M1AP: variants seen among roughly 807,000 people sequenced by gnomAD.
The protein encoded by M1AP is meiosis 1 associated protein, also known as meiosis 1 arrest protein.
M1AP carries 39 observed loss-of-function variants against 51.2 expected under a neutral mutation model. The ratio of observed to expected loss-of-function variants is 0.76; its 90% confidence interval spans 0.59 to 1.00. The LOEUF (loss-of-function observed/expected upper bound fraction) is 1.00. M1AP is among the 50% of genes least tolerant of loss of function. The pLI, the probability that M1AP is intolerant of heterozygous loss-of-function variation, is 0.00. For missense variants in M1AP, 545 were observed against 641.2 expected (o/e 0.85, Z 1.62); for synonymous variants, 251 against 249.2 (o/e 1.01, Z -0.07).
At chr2:74,628,295 T>C (rs1413584647) in intron 2 of M1AP, 2 of 315,748 alleles carry the variant, frequency 6.3e-6, no homozygotes, top group Non-Finnish European at 1.3e-5. Context: ...TTCCCCAATG[T>C]AACAAAGCAC....
intron 5 of M1AP, among the ~76,000 whole-genome samples, chr2:74,580,847 C>G (rs1011242692): frequency 6.6e-6 from 1 of 152,068 alleles, no homozygotes; most frequent in Non-Finnish European, 1.5e-5. Context: ...AATTCCCACC[C>G]CTAAAGAAGA....
intron 4 of M1AP, among the ~76,000 whole-genome samples, chr2:74,593,077 C>G (rs1001201377): frequency 7.9e-5 from 12 of 152,246 alleles, no homozygotes; most frequent in South Asian, 4.1e-4. Context: ...AGTGGCAACA[C>G]AAGTCATTTG....
At chr2:74,609,116 T>C (rs1407093581) in intron 3 of M1AP, among the ~76,000 whole-genome samples, 1 of 152,232 alleles carries the variant, frequency 6.6e-6, no homozygotes, top group African/African-American at 2.4e-5. Flanking sequence ...TATACATTAC[T>C]GTTAACTATA....
At chr2:74,566,356 G>A (rs1678380438) in intron 7 of M1AP, among the ~76,000 whole-genome samples, 1 of 152,156 alleles carries the variant, frequency 6.6e-6, no homozygotes, top group African/African-American at 2.4e-5. Flanking sequence ...GATAGGCTGT[G>A]GTGGAGGCAA....
Position 74,558,023 on chromosome 2 carries a change from A to C in M1AP, c.*693T>G, listed in dbSNP as rs1174644847. On this transcript the variant is annotated 3_prime_UTR_variant, in exon 11 of 11. Coordinates refer to ENST00000421985, the MANE Select transcript of M1AP (RefSeq NM_001321739.2). Reference sequence around the variant, plus strand: ...AGTGTTGGGATTACAGGTGTGAGCCACTGCTCCCAGCCCAGAGTAAACATT... The same window carrying C: ...AGTGTTGGGATTACAGGTGTGAGCCCCTGCTCCCAGCCCAGAGTAAACATT... 1.3e-5 allele frequency: 2 copies of C among 152,116 alleles called. No individual in the cohort carries two copies. The highest frequency in any genetic ancestry group is 2.9e-5 in the Non-Finnish European group (2 of 68,104). The allele number at this position is 152,116 out of a possible 1,614,324, so 9.4% of individuals were successfully genotyped here. A position where few individuals can be genotyped will look rare whatever the true frequency, so the allele number is the denominator to read the frequency against.
chr2:74,560,738 G>A (rs1254438197), intron 8 of M1AP, among the ~76,000 whole-genome samples: 1 of 152,154 alleles, frequency 6.6e-6, no homozygotes, highest in African/African-American at 2.4e-5. Context: ...GGATACAGGA[G>A]CACAACATTC....
intron 9 of M1AP, 80 bp from the exon 10 acceptor site, chr2:74,559,789 T>G: frequency 1.4e-6 from 1 of 710,626 alleles, no homozygotes; most frequent in South Asian, 1.5e-5. Flanking sequence ...CTATAAATAT[T>G]AATTTCCCAT....
intron 4 of M1AP, among the ~76,000 whole-genome samples, chr2:74,591,276 CTTCA>C (rs1311487262): frequency 2.0e-5 from 3 of 152,258 alleles, no homozygotes; most frequent in East Asian, 3.9e-4. Flanking sequence ...GTCTCAATGG[CTTCA>C]TTTTCATTTT....
chr2:74,567,839 A>T (rs1208120320), intron 7 of M1AP, among the ~76,000 whole-genome samples: 1 of 152,232 alleles, frequency 6.6e-6, no homozygotes, highest in Non-Finnish European at 1.5e-5. Context: ...TTCAGAAAAG[A>T]CTGGGAAAAG....
intron 4 of M1AP, among the ~76,000 whole-genome samples, chr2:74,592,347 G>A (rs1680095161): frequency 6.6e-6 from 1 of 152,056 alleles, no homozygotes; most frequent in Non-Finnish European, 1.5e-5. Flanking sequence ...ATAATAGGTA[G>A]GAAATAATAT....
chr2:74,600,131 T>C (rs559000225), intron 4 of M1AP, among the ~76,000 whole-genome samples: 13 of 152,292 alleles, frequency 8.5e-5, no homozygotes, highest in African/African-American at 2.9e-4. Context: ...CATGGGGCCA[T>C]TGGAGCACAC....
chr2:74,647,982 C>T, intron 1 of M1AP: 1 of 983,104 alleles, frequency 1.0e-6, no homozygotes, highest in Non-Finnish European at 1.2e-6. Flanking sequence ...CCGTGCCTGG[C>T]GGATCAGCAG....
At chr2:74,608,034 G>A (rs1347431154) in intron 3 of M1AP, among the ~76,000 whole-genome samples, 1 of 152,056 alleles carries the variant, frequency 6.6e-6, no homozygotes, top group Non-Finnish European at 1.5e-5. Context: ...CTCATTATCA[G>A]TATCTTCCAC....
rs150635699 is a variant in M1AP at position 74,646,029 on chromosome 2, C to T, written c.-53+2236G>A. ...ATCTAGCTCTTTAGTTCACGAATTA[C>T]TAGTTATCAGTATCAATAGTATAGT... On this transcript the variant is annotated intron_variant, in intron 1 of 10. Coordinates refer to ENST00000421985, the MANE Select transcript of M1AP (RefSeq NM_001321739.2). Among the ~76,000 whole-genome samples, 16 of 152,278 alleles carry T rather than the reference C, an allele frequency of 1.1e-4. No homozygotes were observed. In the East Asian group the frequency reaches 2.7e-3, roughly 26 times the overall value.
intron 4 of M1AP, among the ~76,000 whole-genome samples, chr2:74,598,442 T>C (rs1329551988): frequency 6.6e-6 from 1 of 152,034 alleles, no homozygotes; most frequent in Non-Finnish European, 1.5e-5. Flanking sequence ...TAAATAACAC[T>C]TTATAATTTT....
chr2:74,603,643 G>A (rs138354682), intron 4 of M1AP, among the ~76,000 whole-genome samples: 2 of 152,284 alleles, frequency 1.3e-5, no homozygotes, highest in East Asian at 1.9e-4. Context: ...ATGAGTACAG[G>A]GATGGAGATA....
In M1AP at chr2:74,562,307, T is replaced by C. The variant is rs560457393; in HGVS notation, c.1191A>G (p.Val397=). The change falls in exon 8 of 11, where the codon GTA becomes GTG. Residue 397 remains valine (V), a synonymous_variant. Transcript: ENST00000421985. ...TCAGTTCCCGCGTGGCCACCGCCTT[T>C]ACCAGCAGTGTGAGGGAGTGTGACG... The part of the protein sequence containing the change: ...IMPSHSLTLL[V]KAVATRELML... 2 of 1,614,120 alleles carry C rather than the reference T, an allele frequency of 1.2e-6. No individual in the cohort carries two copies. Among genetic ancestry groups the C allele is most frequent in the Non-Finnish European group, 1.7e-6 (2 of 1,180,048 alleles).
chr2:74,614,924 C>A, intron 3 of M1AP, 40 bp downstream of exon 3: 1 of 1,571,618 alleles, frequency 6.4e-7, no homozygotes, highest in South Asian at 1.1e-5. Context: ...GGACTGAAAT[C>A]GGAACACAGC....
chr2:74,601,084 A>G (rs2104676386), intron 4 of M1AP, among the ~76,000 whole-genome samples: 1 of 152,264 alleles, frequency 6.6e-6, no homozygotes, highest in East Asian at 1.9e-4. Flanking sequence ...TTATTTTACA[A>G]ATGAGCTTTA....
Sources: allele counts gnomAD v4.1 joint callset (sites outside exome capture counted in the v4.1 genomes callset), GRCh38; gene constraint gnomAD v4.1.1; transcripts MANE v1.5; gene names NCBI Gene and HGNC (gene_info 2026-07-23, HGNC 2026-07-21).